The following LAPTM5 variants were observed in gnomAD, a reference collection of about 807,000 sequenced individuals.
The protein encoded by LAPTM5 is lysosomal-associated transmembrane protein 5.
Under a neutral mutation model 30.1 loss-of-function variants are expected in LAPTM5, and 11 were observed. The observed-to-expected ratio is 0.37, with a 90% CI of 0.23 to 0.60. LAPTM5 has a LOEUF of 0.60. Among genes scored for constraint, LAPTM5 ranks in the 20% least tolerant of loss-of-function variants. The probability of loss-of-function intolerance (pLI) is 0.71; values close to 1 mark genes in which losing one functional copy is unlikely to be tolerated. For missense variants in LAPTM5, 324 were observed against 332.5 expected (o/e 0.97, Z 0.20); for synonymous variants, 151 against 137.9 (o/e 1.10, Z -0.67).
chr1:30,751,943 T>C (rs965221910), intron 1 of LAPTM5, among the ~76,000 whole-genome samples: 2 of 152,156 alleles, frequency 1.3e-5, no homozygotes, highest in East Asian at 1.9e-4. Context: ...TGGTAAGTAA[T>C]GGAGATGGGC....
At position 30,737,730 on chromosome 1, in the gene LAPTM5, C is replaced by A. The variant is rs756332410; in HGVS notation, c.511-31G>T. On this transcript the variant is annotated intron_variant, in intron 5 of 7. Transcript: ENST00000294507. ...ACAGATTTGGGGGCCACATCAATGT[C>A]TCTGGACATAAGGAATTCCAACAGC... The A allele has an allele frequency of 3.5e-6, 5 of 1,445,968 alleles. No homozygotes were observed. The Admixed American group carries it at 5.1e-5, about 15-fold the overall frequency. The allele number at this position is 1,445,968 out of a possible 1,614,324, so 89.6% of individuals were successfully genotyped here. A position where few individuals can be genotyped will look rare whatever the true frequency, so the allele number is the denominator to read the frequency against.
chr1:30,742,011 A>G (rs1286008342), intron 2 of LAPTM5: 1 of 368,512 alleles, frequency 2.7e-6, no homozygotes. Context: ...GAGAGCAATG[A>G]GGAATCGGCC....
In LAPTM5 at chr1:30,742,489, A is replaced by G. The variant is rs1217926837; in HGVS notation, c.148T>C (p.Cys50Arg). 6.2e-7 allele frequency: 1 copy of G among 1,613,726 alleles called. No individual in the cohort carries two copies. The highest frequency in any genetic ancestry group is 1.3e-5 in the African/African-American group (1 of 75,052). ...AGGTAGCCCATCTGGGAGAGCTTGC[A>G]GGACGCCTTGCCATGGGCCACCTCT... ...SVEVAHGKAS[C>R]KLSQMGYLRI... is the part of the protein sequence containing the mutation. Residue 50 changes from cysteine to arginine, a missense_variant, in exon 2 of 8, where the codon TGC (cysteine) becomes CGC (arginine). Cys to Arg is a radical substitution (Grantham distance 180). Transcript: ENST00000294507.
chr1:30,742,087 G>A, intron 2 of LAPTM5: 1 of 371,086 alleles, frequency 2.7e-6, no homozygotes. Context: ...AGAATCGCAG[G>A]GAGATGCTGT....
At position 30,739,812 on chromosome 1, in the gene LAPTM5, A is replaced by ACGGCTC; in HGVS notation, c.378_383dup (p.Ser127_Arg128dup). 1 of 1,600,984 alleles carries ACGGCTC rather than the reference A, an allele frequency of 6.2e-7. No homozygotes were observed. Among genetic ancestry groups the ACGGCTC allele is most frequent in the Middle Eastern group, 1.7e-4 (1 of 5,980 alleles). ...GAGGTGGGGGCTGGGTACTCACAGC[A>ACGGCTC]CGGCTCCGGGAGGCCAACTTGAGGT... On this transcript the variant is annotated inframe_insertion, in exon 4 of 8. Coordinates refer to ENST00000294507, the MANE Select transcript of LAPTM5 (RefSeq NM_006762.3). The surrounding 1 kb of genome is among the most constrained non-coding windows in gnomAD (Gnocchi z 4.2).
intron 1 of LAPTM5, among the ~76,000 whole-genome samples, chr1:30,751,875 C>T (rs1400731400): frequency 6.6e-6 from 1 of 152,196 alleles, no homozygotes; most frequent in African/African-American, 2.4e-5. Context: ...GCCCCATTTA[C>T]AGATGAGGAA....
chr1:30,748,399 G>A (rs1157848827), intron 1 of LAPTM5, among the ~76,000 whole-genome samples: 1 of 152,052 alleles, frequency 6.6e-6, no homozygotes, highest in Non-Finnish European at 1.5e-5. Context: ...CTGACCCTGT[G>A]TCCTACAGCC....
intron 5 of LAPTM5, 110 bp from the exon 6 acceptor site, chr1:30,737,809 G>A (rs56296001): frequency 1.5e-4 from 106 of 700,382 alleles, no homozygotes; most frequent in Non-Finnish European, 2.4e-4. Context: ...CGAGCACAGC[G>A]TGGCACAGCC....
At chr1:30,741,774 C>A in intron 2 of LAPTM5, 58 bp from the exon 3 acceptor site, 1 of 1,295,088 alleles carries the variant, frequency 7.7e-7, no homozygotes, top group South Asian at 1.4e-5. Flanking sequence ...CCCAGCCAGG[C>A]TCCCAGGACC....
At chr1:30,752,847 G>A (rs1640157308) in intron 1 of LAPTM5, among the ~76,000 whole-genome samples, 1 of 151,418 alleles carries the variant, frequency 6.6e-6, no homozygotes, top group Non-Finnish European at 1.5e-5. Flanking sequence ...GTCTCACTCT[G>A]TCAGGCTAGA....
At chr1:30,750,172 G>A (rs1474226628) in intron 1 of LAPTM5, among the ~76,000 whole-genome samples, 3 of 152,144 alleles carry the variant, frequency 2.0e-5, no homozygotes, top group Non-Finnish European at 4.4e-5. Context: ...TTTAGGAGCA[G>A]CCAGTGGGGG....
intron 3 of LAPTM5, among the ~76,000 whole-genome samples, 171 bp from the exon 4 acceptor site, chr1:30,740,108 G>T (rs1340263520): frequency 6.6e-6 from 1 of 152,144 alleles, no homozygotes; most frequent in Admixed American, 6.5e-5. Context: ...GAGTGGATAA[G>T]ACCCAGGCCC....
At chr1:30,752,496 T>C (rs1411909955) in intron 1 of LAPTM5, among the ~76,000 whole-genome samples, 3 of 152,278 alleles carry the variant, frequency 2.0e-5, no homozygotes, top group Non-Finnish European at 4.4e-5. Flanking sequence ...CAAGCCTGTG[T>C]CATGCTACTC....
At chr1:30,735,510 C>T (rs920411280) in intron 6 of LAPTM5, among the ~76,000 whole-genome samples, 2 of 152,222 alleles carry the variant, frequency 1.3e-5, no homozygotes, top group Admixed American at 6.5e-5. Context: ...TTCTAGCCCA[C>T]CCTCCAATTT....
intron 1 of LAPTM5, among the ~76,000 whole-genome samples, chr1:30,755,854 C>T (rs951125018): frequency 1.3e-5 from 2 of 152,172 alleles, no homozygotes; most frequent in Non-Finnish European, 2.9e-5. Context: ...AGAGCGGCCA[C>T]CAGGGCCCAC....
chr1:30,755,193 G>A (rs185898706), intron 1 of LAPTM5, among the ~76,000 whole-genome samples: 4 of 152,030 alleles, frequency 2.6e-5, no homozygotes, highest in South Asian at 2.1e-4. Flanking sequence ...TTCTCAACTG[G>A]GAGAGATTGG....
intron 1 of LAPTM5, among the ~76,000 whole-genome samples, chr1:30,743,552 G>A (rs1020041405): frequency 6.6e-6 from 1 of 152,142 alleles, no homozygotes; most frequent in Non-Finnish European, 1.5e-5. Context: ...AACCTTATGT[G>A]TGTCCATGTC....
chr1:30,740,470 G>A (rs574082726), intron 3 of LAPTM5, among the ~76,000 whole-genome samples: 1 of 149,450 alleles, frequency 6.7e-6, no homozygotes, highest in South Asian at 2.2e-4. Context: ...ACTCCCAGGG[G>A]TCCAAAGTCA....
At chr1:30,748,185 C>G (rs1451115003) in intron 1 of LAPTM5, among the ~76,000 whole-genome samples, 1 of 152,244 alleles carries the variant, frequency 6.6e-6, no homozygotes, top group Admixed American at 6.5e-5. Flanking sequence ...TGAGCACACA[C>G]CCGTGCCAGC....
Sources: allele counts gnomAD v4.1 joint callset (sites outside exome capture counted in the v4.1 genomes callset), GRCh38; gene constraint gnomAD v4.1.1; non-coding constraint Gnocchi (gnomAD v3.1); transcripts MANE v1.5; gene names NCBI Gene and HGNC (gene_info 2026-07-23, HGNC 2026-07-21).